The following MYOM3 variants were observed in gnomAD, a reference collection of about 807,000 sequenced individuals.
MYOM3 encodes the protein myomesin 3.
A neutral mutation model predicts 191.7 loss-of-function variants in MYOM3; 155 were observed. The observed-to-expected ratio is 0.81, with a 90% confidence interval of 0.71 to 0.92. The LOEUF (loss-of-function observed/expected upper bound fraction) is 0.92, where lower values mean the gene tolerates loss of function less well. MYOM3 is among the 40% of genes least tolerant of loss of function. The pLI, the probability that MYOM3 is intolerant of heterozygous loss-of-function variation, is 0.00. For missense variants in MYOM3, 1,889 were observed against 1,890.6 expected (o/e 1.00, Z 0.02); for synonymous variants, 757 against 762.9 (o/e 0.99, Z 0.13).
Position 24,074,254 on chromosome 1 carries a change from C to T in MYOM3, c.2874G>A (p.Leu958=), listed in dbSNP as rs765871903. Reference sequence around the variant, plus strand: ...CCAAATCCTCGAGGCCGGGTTCTTTCAGGATGACCTTGGACCTGGCAGAGA... The same window carrying T: ...CCAAATCCTCGAGGCCGGGTTCTTTTAGGATGACCTTGGACCTGGCAGAGA... ...EDKVNKSKVI[L]KEPGLEDLGT... Residue 958 remains leucine, a synonymous_variant, in exon 23 of 37, where the codon CTG becomes CTA. Transcript: ENST00000374434. The T allele has an allele frequency of 3.7e-6, 6 of 1,614,000 alleles. No individual in the cohort carries two copies. In the East Asian group the frequency reaches 8.9e-5, roughly 24 times the overall value.
chr1:24,057,809 C>A (rs1160873544), intron 36 of MYOM3, among the ~76,000 whole-genome samples, 182 bp from the exon 37 acceptor site: 1 of 152,084 alleles, frequency 6.6e-6, no homozygotes, highest in Non-Finnish European at 1.5e-5. Flanking sequence ...TCATCCTCAA[C>A]CTTTTATTTT....
rs563743069 is a variant in MYOM3 at position 24,081,500 on chromosome 1, G to A, written c.2281-44C>T. The A allele has an allele frequency of 1.7e-5, 27 of 1,602,660 alleles. 1 individual carries two copies. In the East Asian group the frequency reaches 6.1e-4, roughly 36 times the overall value. The stretch of plus-strand genomic sequence containing the variant: ...AAACTATGAGGCTGAGGCTGGAGGA[G>A]GGATGGGGAACAGAAGCAGTGGTGC... On this transcript the variant is annotated intron_variant, in intron 18 of 36. Coordinates refer to ENST00000374434, the MANE Select transcript of MYOM3 (RefSeq NM_152372.4).
At chr1:24,079,986 C>A in intron 20 of MYOM3, 30 bp downstream of exon 20, 1 of 1,578,548 alleles carries the variant, frequency 6.3e-7, no homozygotes, top group Non-Finnish European at 8.6e-7. Flanking sequence ...GGCTCAGGGC[C>A]AGTCAGAAGA....
At position 24,075,414 on chromosome 1, in the gene MYOM3, G is replaced by A. The variant is rs1364452295; in HGVS notation, c.2763C>T (p.Ala921=). ...ACTCTGAGGAGTCGGGGGCTTCAGG[G>A]GCTTCAAAAGCCAAATAGATAAAGC... ...EEGFIYLAFE[A]PEAPDSSEFQ... Residue 921 remains alanine, a synonymous_variant, in exon 22 of 37, where the codon GCC becomes GCT. Transcript: ENST00000374434. 6 of 1,609,838 alleles carry A rather than the reference G, an allele frequency of 3.7e-6. No homozygotes were observed. Among genetic ancestry groups the A allele is most frequent in the Non-Finnish European group, 5.1e-6 (6 of 1,178,754 alleles).
At chr1:24,110,300 G>A (rs376298772) in intron 1 of MYOM3, among the ~76,000 whole-genome samples, 1 of 152,234 alleles carries the variant, frequency 6.6e-6, no homozygotes, top group South Asian at 2.1e-4. Context: ...AGCTCTGTCT[G>A]GCCCCTGCCT....
Position 24,106,879 on chromosome 1 carries a change from G to A in MYOM3, c.402+194C>T, listed in dbSNP as rs561011961. Among the ~76,000 whole-genome samples the A allele has an allele frequency of 1.4e-3, 212 of 152,336 alleles. 2 individuals carry two copies. Among genetic ancestry groups the A allele is most frequent in the African/African-American group, 4.8e-3 (200 of 41,588 alleles). On this transcript the variant is annotated intron_variant, in intron 4 of 36. Coordinates refer to ENST00000374434, the MANE Select transcript of MYOM3 (RefSeq NM_152372.4). ...CCACTGCGCCCAGCCCAATTTTACA[G>A]ATGAGAACACTGAGGCTCAGTAACA...
chr1:24,063,142 T>C lies in MYOM3; in HGVS notation c.3754A>G (p.Thr1252Ala), dbSNP rs755053703. The change falls in exon 32 of 37, where the codon ACC becomes GCC. Residue 1252 changes from threonine (T) to alanine (A), a missense_variant. Transcript: ENST00000374434. The surrounding 1 kb of genome is among the most constrained non-coding windows in gnomAD (Gnocchi z 4.5). ...CGGACTTACTTGTGGAACCAGGTGG[T>C]TTTCATGTACTCCACGTTGTAGTAC... ...VKYYNVEYMKTTWFHKDKRLE... is the reference protein window; with the variant it reads ...VKYYNVEYMKATWFHKDKRLE... 4 of 1,610,308 alleles carry C rather than the reference T, an allele frequency of 2.5e-6. No homozygotes were observed. In the East Asian group the frequency reaches 8.9e-5, roughly 36 times the overall value.
intron 19 of MYOM3, 141 bp from the exon 20 acceptor site, chr1:24,080,335 G>T: frequency 1.5e-6 from 1 of 659,874 alleles, no homozygotes; most frequent in Non-Finnish European, 2.4e-6. Context: ...TGTTCTGGGT[G>T]TCGCCAAGCC....
chr1:24,074,942 GGGCATGGT>G (rs1643577883), intron 22 of MYOM3, among the ~76,000 whole-genome samples: 2 of 152,040 alleles, frequency 1.3e-5, no homozygotes, highest in South Asian at 4.2e-4. Flanking sequence ...AAAATTAGCT[GGGCATGGT>G]GACATGTGCC....
At chr1:24,075,655 C>T (rs1643588592) in intron 21 of MYOM3, among the ~76,000 whole-genome samples, 180 bp from the exon 22 acceptor site, 1 of 152,178 alleles carries the variant, frequency 6.6e-6, no homozygotes. Context: ...GTCACCTCTT[C>T]AGAGAGGCCC....
intron 5 of MYOM3, among the ~76,000 whole-genome samples, chr1:24,101,316 C>T (rs756084466): frequency 6.6e-6 from 1 of 152,198 alleles, no homozygotes; most frequent in Non-Finnish European, 1.5e-5. Context: ...AGAAAACAAG[C>T]TTCTAGCTTA....
chr1:24,090,114 G>T lies in MYOM3; in HGVS notation c.1437C>A (p.Ile479=). The T allele has an allele frequency of 6.2e-7, 1 of 1,605,056 alleles. No individual in the cohort carries two copies. The highest frequency in any genetic ancestry group is 8.5e-7 in the Non-Finnish European group (1 of 1,171,798). ...TGATCTTGTTTCCCAGATCAAAGGG[G>T]ATCTCTAGGATGAGAAGGGAGCATG... ...DHDAARRKTE[I]PFDLGNKITI... The change falls in exon 13 of 37, where the codon ATC becomes ATA. Residue 479 remains isoleucine, a synonymous_variant. Transcript: ENST00000374434.
chr1:24,081,614 G>A (rs1376314361), intron 18 of MYOM3, 158 bp from the exon 19 acceptor site: 3 of 849,466 alleles, frequency 3.5e-6, no homozygotes, highest in African/African-American at 1.7e-5. Flanking sequence ...CCAGGCTGGA[G>A]TGCAGTGGCA....
At chr1:24,099,612 G>C (rs1315070302) in intron 6 of MYOM3, 68 bp downstream of exon 6, 1 of 1,269,556 alleles carries the variant, frequency 7.9e-7, no homozygotes, top group Non-Finnish European at 1.2e-6. Flanking sequence ...GAAGGGTTTG[G>C]GATCCTGCTC....
chr1:24,098,019 GGA>G lies in MYOM3; in HGVS notation c.657-10_657-9del. ...GAGTCCTCAATGGCGCATCTGAAAA[GGA>G]GAGAGGGAGAAGTTCCTCCCAAGAC... On this transcript the variant is annotated splice_polypyrimidine_tract_variant and intron_variant, in intron 6 of 36. Coordinates refer to ENST00000374434, the MANE Select transcript of MYOM3 (RefSeq NM_152372.4). 1 of 1,588,018 alleles carries G rather than the reference GGA, an allele frequency of 6.3e-7. No homozygotes were observed. The highest frequency in any genetic ancestry group is 8.6e-7 in the Non-Finnish European group (1 of 1,156,168).
At chr1:24,095,056 G>A in intron 8 of MYOM3, 66 bp from the exon 9 acceptor site, 1 of 1,532,194 alleles carries the variant, frequency 6.5e-7, no homozygotes, top group Non-Finnish European at 8.8e-7. Context: ...GGACTTAGGA[G>A]TGAGGAAATT....
chr1:24,091,092 T>G, intron 11 of MYOM3, 96 bp from the exon 12 acceptor site: 1 of 1,369,292 alleles, frequency 7.3e-7, no homozygotes, highest in Non-Finnish European at 1.0e-6. Flanking sequence ...TGGGGGAGCC[T>G]GCCCAGCTCA....
intron 20 of MYOM3, among the ~76,000 whole-genome samples, chr1:24,077,866 T>C (rs1306270581): frequency 6.6e-6 from 1 of 152,216 alleles, no homozygotes; most frequent in Non-Finnish European, 1.5e-5. Context: ...GCCACTCATA[T>C]AGGGGAAGAC....
chr1:24,061,406 T>C, intron 33 of MYOM3, 97 bp from the exon 34 acceptor site: 2 of 1,143,630 alleles, frequency 1.7e-6, no homozygotes, highest in Non-Finnish European at 2.6e-6. Flanking sequence ...TCCCTGACTG[T>C]CCTCCACTCT....
Sources: allele counts gnomAD v4.1 joint callset (sites outside exome capture counted in the v4.1 genomes callset), GRCh38; gene constraint gnomAD v4.1.1; non-coding constraint Gnocchi (gnomAD v3.1); transcripts MANE v1.5; gene names NCBI Gene and HGNC (gene_info 2026-07-23, HGNC 2026-07-21).